CACNA1C: variants seen among roughly 807,000 people sequenced by gnomAD.
CACNA1C encodes the protein voltage-dependent L-type calcium channel subunit alpha-1C.
In CACNA1C, 30 loss-of-function variants were observed where a neutral mutation model predicts 229.0. The observed-to-expected ratio is 0.13, with a 90% CI of 0.10 to 0.18. The LOEUF (loss-of-function observed/expected upper bound fraction) is 0.18, where lower values mean the gene tolerates loss of function less well. Among genes scored for constraint, CACNA1C ranks in the 10% least tolerant of loss-of-function variants. The pLI is 1.00. For missense variants in CACNA1C, 1,658 were observed against 2,845.0 expected (o/e 0.58, Z 9.49); for synonymous variants, 1,114 against 1,132.5 (o/e 0.98, Z 0.33).
At position 2,566,646 on chromosome 12, in the gene CACNA1C, A is replaced by C; in HGVS notation, c.1669+64A>C. ...GTAACTCAGCCCCAAGGCCCAGGGG[A>C]GGGCATAACCACAGGCAGAAGGTGG... On this transcript the variant is annotated intron_variant, in intron 12 of 46. Transcript: ENST00000399655. This position sits in a 1 kb window ranked among gnomAD's most constrained non-coding sequence, Gnocchi z 4.0. 7.2e-7 allele frequency: 1 copy of C among 1,394,874 alleles called. No homozygotes were observed. Among genetic ancestry groups the C allele is most frequent in the Non-Finnish European group, 9.8e-7 (1 of 1,019,522 alleles). 86.4% of individuals were successfully genotyped at this position (1,394,874 alleles called of 1,614,324 possible).
intron 3 of CACNA1C, among the ~76,000 whole-genome samples, chr12:2,283,092 A>G (rs1322130466): frequency 6.6e-6 from 1 of 151,880 alleles, no homozygotes; most frequent in Admixed American, 6.6e-5. Flanking sequence ...AATTTAATCT[A>G]CACAAGGATC....
At chr12:2,263,007 A>G (rs1409307296) in intron 3 of CACNA1C, among the ~76,000 whole-genome samples, 1 of 152,186 alleles carries the variant, frequency 6.6e-6, no homozygotes, top group African/African-American at 2.4e-5. Context: ...TAAATACGAT[A>G]CATAATATTA....
intron 1 of CACNA1C, among the ~76,000 whole-genome samples, chr12:1,980,739 C>A (rs528833653): frequency 6.6e-6 from 1 of 150,638 alleles, no homozygotes; most frequent in African/African-American, 2.4e-5. Flanking sequence ...AAAAAAAGTT[C>A]TTATTTCATT....
intron 5 of CACNA1C, among the ~76,000 whole-genome samples, 164 bp downstream of exon 5, chr12:2,457,870 C>T (rs1237467417): frequency 6.6e-6 from 1 of 152,310 alleles, no homozygotes; most frequent in South Asian, 2.1e-4. Flanking sequence ...GAGCCCAACT[C>T]GGATGTAAGT....
intron 34 of CACNA1C, among the ~76,000 whole-genome samples, chr12:2,658,524 A>C (rs1021571393): frequency 6.6e-6 from 1 of 152,238 alleles, no homozygotes; most frequent in Non-Finnish European, 1.5e-5. Context: ...AATTATGTAC[A>C]GTACATAATA....
chr12:2,092,038 G>A (rs1205759547), intron 1 of CACNA1C, among the ~76,000 whole-genome samples: 3 of 152,288 alleles, frequency 2.0e-5, no homozygotes, highest in East Asian at 3.9e-4. Flanking sequence ...TTCTCATGTG[G>A]TGTCCTCACA....
At chr12:2,590,995 T>C (rs2065022687) in intron 18 of CACNA1C, among the ~76,000 whole-genome samples, 1 of 152,124 alleles carries the variant, frequency 6.6e-6, no homozygotes, top group South Asian at 2.1e-4. Flanking sequence ...ATACCAAGGG[T>C]TGGGTGTCAC....
intron 13 of CACNA1C, among the ~76,000 whole-genome samples, chr12:2,569,034 G>A (rs148452975): frequency 1.3e-5 from 2 of 152,314 alleles, no homozygotes; most frequent in East Asian, 3.9e-4. Context: ...AAGTTCTGCT[G>A]AAAATGCGTT....
At chr12:2,656,673 T>C (rs897546219) in intron 34 of CACNA1C, among the ~76,000 whole-genome samples, 1 of 152,156 alleles carries the variant, frequency 6.6e-6, no homozygotes, top group Non-Finnish European at 1.5e-5. Context: ...ATGCATGATA[T>C]AAAAATCTGT....
chr12:2,180,663 G>A (rs1188915193), intron 3 of CACNA1C, among the ~76,000 whole-genome samples: 1 of 152,174 alleles, frequency 6.6e-6, no homozygotes, highest in African/African-American at 2.4e-5. Flanking sequence ...TAGGGAGGCC[G>A]TAAAGTGAGG....
intron 9 of CACNA1C, among the ~76,000 whole-genome samples, chr12:2,522,290 C>G (rs77812438): frequency 6.6e-6 from 1 of 152,218 alleles, no homozygotes; most frequent in African/African-American, 2.4e-5. Flanking sequence ...TTCTTATTCA[C>G]TCTCCCACTC....
intron 3 of CACNA1C, among the ~76,000 whole-genome samples, chr12:2,184,204 GCT>G (rs1466188887): frequency 6.6e-6 from 1 of 152,202 alleles, no homozygotes; most frequent in African/African-American, 2.4e-5. Flanking sequence ...GAGAATGCTG[GCT>G]CTGTGTTTAG....
At position 2,648,495 on chromosome 12, in the gene CACNA1C, C is replaced by T. The variant is rs199569953; in HGVS notation, c.3933C>T (p.Cys1311=). ...TEVNPAEHTQ[C]SPSMNAEENS... is the part of the protein sequence containing the mutation. ...TAAAGCCAGCTGAACATACCCAATG[C>T]TCTCCCTCTATGGTAAGACCAACCC... is the stretch of plus-strand genomic sequence containing the variant. Residue 1311 remains cysteine (C), a synonymous_variant, in exon 31 of 47, where the codon TGC becomes TGT. Transcript: ENST00000399655. 8.7e-5 allele frequency: 141 copies of T among 1,613,900 alleles called. No homozygotes were observed. The highest frequency in any genetic ancestry group is 1.1e-4 in the Non-Finnish European group (133 of 1,179,800).
At chr12:2,690,111 C>T (rs751525574) in intron 46 of CACNA1C, 2 of 152,308 alleles carry the variant, frequency 1.3e-5, no homozygotes, top group Non-Finnish European at 2.9e-5. Context: ...AAGGCAGGGG[C>T]ATGCGCCGTG....
intron 4 of CACNA1C, among the ~76,000 whole-genome samples, chr12:2,456,533 A>C (rs570879652): frequency 5.5e-4 from 83 of 152,114 alleles, no homozygotes; most frequent in Non-Finnish European, 1.0e-3. Flanking sequence ...TGCTCCAGCC[A>C]CACTGGTCGC....
intron 3 of CACNA1C, among the ~76,000 whole-genome samples, chr12:2,248,953 C>T (rs529056398): frequency 2.8e-4 from 42 of 152,250 alleles, no homozygotes; most frequent in African/African-American, 9.9e-4. Flanking sequence ...CACCTGGCAC[C>T]GTGCCTGGCG....
chr12:2,690,879 G>A lies in CACNA1C; in HGVS notation c.6118-21G>A, dbSNP rs375143081. 3.3e-6 allele frequency: 5 copies of A among 1,530,364 alleles called. No homozygotes were observed. In the African/African-American group the frequency reaches 5.5e-5, roughly 17 times the overall value. 94.8% of individuals were successfully genotyped at this position (1,530,364 alleles called of 1,614,324 possible). On this transcript the variant is annotated intron_variant, in intron 46 of 46. Coordinates refer to ENST00000399655, the MANE Select transcript of CACNA1C (RefSeq NM_000719.7). ...AGTAATGTTCCTTTGGTTCTTCATGGCTCCCACCCCGCTCCTTCAGGTCTT... is the reference window on the plus strand; with the variant it reads ...AGTAATGTTCCTTTGGTTCTTCATGACTCCCACCCCGCTCCTTCAGGTCTT...
intron 3 of CACNA1C, among the ~76,000 whole-genome samples, chr12:2,325,097 G>A (rs1407301526): frequency 1.3e-5 from 2 of 152,110 alleles, no homozygotes; most frequent in East Asian, 1.9e-4. Context: ...TGTGCCAGCC[G>A]AGAGCCCTCT....
At chr12:2,226,125 GCA>G (rs59055471) in intron 3 of CACNA1C, among the ~76,000 whole-genome samples, 24,882 of 142,428 alleles carry the variant, frequency 0.17, 2,296 homozygotes, top group Non-Finnish European at 0.22. Flanking sequence ...ATGGGGACGC[GCA>G]CACACACACA....
Sources: gnomAD v4.1 joint callset for allele counts (sites outside exome capture counted in the v4.1 genomes callset) on GRCh38, gnomAD v4.1.1 for gene constraint, Gnocchi (gnomAD v3.1) non-coding constraint, MANE v1.5 for transcripts, NCBI Gene and HGNC (gene_info 2026-07-23, HGNC 2026-07-21) for gene names.